CABIN1: variants seen among roughly 807,000 people sequenced by gnomAD.
CABIN1 encodes the protein calcineurin-binding protein cabin-1.
A neutral mutation model predicts 227.7 loss-of-function variants in CABIN1; 133 were observed. The ratio of observed to expected loss-of-function variants is 0.58; its 90% CI spans 0.51 to 0.67. The LOEUF (loss-of-function observed/expected upper bound fraction) is 0.67, where lower values mean the gene tolerates loss of function less well. Ranked by LOEUF, CABIN1 falls within the 30% of genes least tolerant of loss-of-function variation. The probability of loss-of-function intolerance (pLI) is 0.00; values close to 1 mark genes in which losing one functional copy is unlikely to be tolerated. For synonymous variants in CABIN1, 1,086 were observed against 1,155.1 expected, an observed-to-expected ratio of 0.94 and a Z score of 1.21; for missense variants, 2,408 against 2,852.5, an observed-to-expected ratio of 0.84 and a Z score of 3.55.
intron 26 of CABIN1, among the ~76,000 whole-genome samples, chr22:24,106,540 A>G (rs1363381899): frequency 6.6e-6 from 1 of 152,122 alleles, no homozygotes; most frequent in Non-Finnish European, 1.5e-5. Flanking sequence ...ACTGTGGCAC[A>G]TTGTCCTCCC....
intron 26 of CABIN1, among the ~76,000 whole-genome samples, chr22:24,105,921 C>T (rs1352464600): frequency 6.6e-6 from 1 of 152,226 alleles, no homozygotes; most frequent in Non-Finnish European, 1.5e-5. Flanking sequence ...GAGGGCTCAG[C>T]ACAGGCCATT....
At chr22:24,019,549 C>T (rs1223970571) in intron 1 of CABIN1, among the ~76,000 whole-genome samples, 1 of 151,708 alleles carries the variant, frequency 6.6e-6, no homozygotes, top group East Asian at 1.9e-4. Flanking sequence ...GCCACCATGC[C>T]CCGCCTGCTG....
chr22:24,043,024 G>C lies in CABIN1; in HGVS notation c.466G>C (p.Asp156His). The change falls in exon 6 of 37, where the codon GAC (aspartate) becomes CAC (histidine). Residue 156 changes from aspartate (D) to histidine (H), a missense_variant. Asp to His is a moderately conservative substitution (Grantham distance 81). Transcript: ENST00000263119. Reference protein sequence around the residue: ...AFEEGLRCNPDHWPCLDNLIT... With the variant: ...AFEEGLRCNPHHWPCLDNLIT... ...TGAGGAAGGGCTGCGGTGCAATCCT[G>C]ACCACTGGCCCTGTTTGGATAACCT... 6.2e-7 allele frequency: 1 copy of C among 1,613,988 alleles called. No homozygotes were observed. Among genetic ancestry groups the C allele is most frequent in the Non-Finnish European group, 8.5e-7 (1 of 1,179,994 alleles).
In CABIN1 at chr22:24,095,915, G is replaced by C. The variant is rs201655471; in HGVS notation, c.3787-16G>C. On this transcript the variant is annotated splice_polypyrimidine_tract_variant and intron_variant, in intron 24 of 36. Transcript: ENST00000263119. ...AACTGGGAAGGCTGCTCACACTAGA[G>C]GTGTCGTTCTCCTAGGTGTACTTTC... The C allele has an allele frequency of 2.5e-6, 4 of 1,613,756 alleles. No individual in the cohort carries two copies. The highest frequency in any genetic ancestry group is 3.4e-6 in the Non-Finnish European group (4 of 1,179,922).
At chr22:24,130,394 C>T (rs1165613895) in intron 28 of CABIN1, among the ~76,000 whole-genome samples, 1 of 152,148 alleles carries the variant, frequency 6.6e-6, no homozygotes, top group Non-Finnish European at 1.5e-5. Context: ...GGACCAGAGT[C>T]CAGGGATGGT....
Position 24,166,693 on chromosome 22 carries a change from A to C in CABIN1, c.5062A>C (p.Thr1688Pro). The change falls in exon 32 of 37, where the codon ACC becomes CCC. Residue 1688 changes from threonine to proline, a missense_variant. Coordinates refer to ENST00000263119, the MANE Select transcript of CABIN1 (RefSeq NM_012295.4). ...VCGLPGARMT[T>P]DVSHKASPED... ...TGGCCTCCCCGGAGCCAGGATGACC[A>C]CCGATGTCTCACACAAGGCCAGTCC... 6.2e-7 allele frequency: 1 copy of C among 1,612,636 alleles called. No individual in the cohort carries two copies. Among genetic ancestry groups the C allele is most frequent in the Non-Finnish European group, 8.5e-7 (1 of 1,179,962 alleles).
At chr22:24,117,560 G>A (rs1738087281) in intron 27 of CABIN1, among the ~76,000 whole-genome samples, 1 of 151,772 alleles carries the variant, frequency 6.6e-6, no homozygotes, top group African/African-American at 2.4e-5. Context: ...GGGGGGTTAG[G>A]TTTAATAGGC....
Position 24,062,032 on chromosome 22 carries a change from G to A in CABIN1, c.1696+7G>A, listed in dbSNP as rs766981464. 3 of 1,611,458 alleles carry A rather than the reference G, an allele frequency of 1.9e-6. No homozygotes were observed. The East Asian group carries it at 6.7e-5, about 36-fold the overall frequency. Reference sequence around the variant, plus strand: ...AAAGGCAGAAGCTCTGCAGGTAGGAGGCATTATGTGTTCTGTGGCCAGGCT... The same window carrying A: ...AAAGGCAGAAGCTCTGCAGGTAGGAAGCATTATGTGTTCTGTGGCCAGGCT... On this transcript the variant is annotated splice_region_variant and intron_variant, in intron 13 of 36. Transcript: ENST00000263119.
At chr22:24,109,164 A>T (rs1388330543) in intron 26 of CABIN1, among the ~76,000 whole-genome samples, 2 of 152,104 alleles carry the variant, frequency 1.3e-5, no homozygotes, top group African/African-American at 4.8e-5. Context: ...CAGTTCTATC[A>T]GCCTGGATCT....
intron 1 of CABIN1, 82 bp downstream of exon 1, chr22:24,011,449 G>C (rs2034802503): frequency 6.6e-6 from 1 of 152,526 alleles, no homozygotes; most frequent in African/African-American, 2.4e-5. Flanking sequence ...GGCCGGAGGG[G>C]CTGCAGGCGC....
intron 1 of CABIN1, among the ~76,000 whole-genome samples, chr22:24,026,714 T>C (rs901129977): frequency 6.6e-6 from 1 of 152,236 alleles, no homozygotes; most frequent in Non-Finnish European, 1.5e-5. Flanking sequence ...TGGGTTCTTA[T>C]GGACTCTGTA....
At chr22:24,037,652 G>A (rs1469779056) in intron 3 of CABIN1, among the ~76,000 whole-genome samples, 1 of 152,104 alleles carries the variant, frequency 6.6e-6, no homozygotes, top group African/African-American at 2.4e-5. Flanking sequence ...GATATCATAT[G>A]TTTGGGGTAT....
chr22:24,037,124 G>T (rs532881967), intron 3 of CABIN1, among the ~76,000 whole-genome samples: 1 of 152,034 alleles, frequency 6.6e-6, no homozygotes, highest in African/African-American at 2.4e-5. Context: ...GCTGGGCGTG[G>T]TGGTGCATGT....
chr22:24,171,832 C>T lies in CABIN1; in HGVS notation c.5877C>T (p.Pro1959=), dbSNP rs1459882582. ...DPVPADSVQR[P]SDAHTKPRPA... is the part of the protein sequence containing the mutation. Reference sequence around the variant, plus strand: ...TGCCAGCTGACTCTGTCCAGCGGCCCAGTGATGCTCACACCAAGCCTCGCC... The same window carrying T: ...TGCCAGCTGACTCTGTCCAGCGGCCTAGTGATGCTCACACCAAGCCTCGCC... Residue 1959 remains proline, a synonymous_variant, in exon 34 of 37, where the codon CCC becomes CCT. Coordinates refer to ENST00000263119, the MANE Select transcript of CABIN1 (RefSeq NM_012295.4). 6.2e-7 allele frequency: 1 copy of T among 1,614,160 alleles called. No homozygotes were observed. The highest frequency in any genetic ancestry group is 8.5e-7 in the Non-Finnish European group (1 of 1,180,044).
intron 26 of CABIN1, among the ~76,000 whole-genome samples, chr22:24,107,545 C>A (rs2042583295): frequency 6.6e-6 from 1 of 152,184 alleles, no homozygotes; most frequent in Admixed American, 6.5e-5. Context: ...GGTGGTCGTT[C>A]TTCAGGGAGC....
chr22:24,038,504 G>A, intron 4 of CABIN1, 43 bp downstream of exon 4: 2 of 1,410,134 alleles, frequency 1.4e-6, no homozygotes, highest in Non-Finnish European at 2.0e-6. Flanking sequence ...GGTGGTTAGT[G>A]CATGGGCTGT....
chr22:24,136,347 C>CTGT (rs1217582132), intron 29 of CABIN1, among the ~76,000 whole-genome samples: 6 of 113,206 alleles, frequency 5.3e-5, no homozygotes, highest in Middle Eastern at 5.5e-3. Flanking sequence ...GCCATCCCTC[C>CTGT]TTTTTTTTTT....
intron 34 of CABIN1, among the ~76,000 whole-genome samples, chr22:24,175,526 C>G (rs988501386): frequency 6.6e-6 from 1 of 152,196 alleles, no homozygotes; most frequent in Non-Finnish European, 1.5e-5. Context: ...GCCTGGGAAC[C>G]GGGGACCGAT....
intron 27 of CABIN1, among the ~76,000 whole-genome samples, chr22:24,114,447 C>T (rs941271487): frequency 4.6e-5 from 7 of 152,210 alleles, no homozygotes; most frequent in African/African-American, 1.2e-4. Context: ...AACCCAGCCC[C>T]GTACTCTTTT....
Sources: allele counts gnomAD v4.1 joint callset (sites outside exome capture counted in the v4.1 genomes callset), GRCh38; gene constraint gnomAD v4.1.1; transcripts MANE v1.5; gene names NCBI Gene and HGNC (gene_info 2026-07-23, HGNC 2026-07-21).